Variants in CSMD1 observed in about 807,000 individuals in gnomAD.
CSMD1 encodes CUB and sushi domain-containing protein 1.
In CSMD1, 213 loss-of-function variants were observed where a neutral mutation model predicts 417.5. The observed-to-expected ratio is 0.51, with a 90% CI of 0.46 to 0.57. CSMD1 has a LOEUF of 0.57. CSMD1 is among the 20% of genes least tolerant of loss of function. CSMD1 has a pLI of 0.00. For missense variants in CSMD1, 6,923 were observed against 4,529.7 expected (o/e 1.53, Z -15.17); for synonymous variants, 2,862 against 1,736.8 (o/e 1.65, Z -16.11).
intron 10 of CSMD1, among the ~76,000 whole-genome samples, chr8:3,526,937 T>A (rs542096519): frequency 2.0e-5 from 3 of 152,294 alleles, no homozygotes; most frequent in Admixed American, 2.0e-4. Flanking sequence ...GGGGATAAGA[T>A]CTTTGTCAAT....
At chr8:4,239,500 C>G (rs912950836) in intron 3 of CSMD1, among the ~76,000 whole-genome samples, 7 of 152,170 alleles carry the variant, frequency 4.6e-5, no homozygotes, top group African/African-American at 1.7e-4. Flanking sequence ...TGCCCCACCC[C>G]AGTCTGGTCC....
At chr8:4,509,175 C>G (rs1802691242) in intron 2 of CSMD1, among the ~76,000 whole-genome samples, 1 of 152,110 alleles carries the variant, frequency 6.6e-6, no homozygotes, top group Admixed American at 6.5e-5. Flanking sequence ...TTAATTCTTT[C>G]TTTTTAACAA....
chr8:4,289,419 T>C (rs1215461436), intron 3 of CSMD1, among the ~76,000 whole-genome samples: 1 of 69,860 alleles, frequency 1.4e-5, no homozygotes, highest in Non-Finnish European at 3.5e-5. Flanking sequence ...GGGCCTGTGT[T>C]TCTCCTATTT....
At chr8:3,710,241 G>C (rs1801432197) in intron 6 of CSMD1, among the ~76,000 whole-genome samples, 1 of 152,060 alleles carries the variant, frequency 6.6e-6, no homozygotes, top group African/African-American at 2.4e-5. Flanking sequence ...CTAAAAATAA[G>C]TGGATCCATG....
chr8:4,741,924 C>T (rs1003378503), intron 1 of CSMD1, among the ~76,000 whole-genome samples: 3 of 148,298 alleles, frequency 2.0e-5, no homozygotes, highest in Non-Finnish European at 4.4e-5. Context: ...GCTTCGACTT[C>T]CTGGGCTCAA....
At chr8:3,303,730 A>G (rs983532801) in intron 25 of CSMD1, among the ~76,000 whole-genome samples, 1 of 152,232 alleles carries the variant, frequency 6.6e-6, no homozygotes, top group Non-Finnish European at 1.5e-5. Flanking sequence ...TGTTACATAA[A>G]GCAAAGCATG....
At chr8:4,409,247 C>T (rs7814568) in intron 3 of CSMD1, among the ~76,000 whole-genome samples, 107,429 of 152,068 alleles carry the variant, frequency 0.71, 39,102 homozygotes, top group East Asian at 0.91. Context: ...TTTACCTTAA[C>T]TTACATACTT....
chr8:3,399,583 AT>A (rs566640553), intron 15 of CSMD1, 54 bp from the exon 16 acceptor site: 4 of 1,389,538 alleles, frequency 2.9e-6, no homozygotes, highest in Non-Finnish European at 3.9e-6. Context: ...AGGATATGCC[AT>A]AACAATACCC....
chr8:4,081,688 A>C (rs1681024124), intron 3 of CSMD1, among the ~76,000 whole-genome samples: 2 of 152,358 alleles, frequency 1.3e-5, no homozygotes, highest in Admixed American at 1.3e-4. Flanking sequence ...ATGAAGTCCA[A>C]AACATTTAAA....
At chr8:3,695,597 G>C (rs1392974377) in intron 7 of CSMD1, among the ~76,000 whole-genome samples, 5 of 152,112 alleles carry the variant, frequency 3.3e-5, no homozygotes, top group African/African-American at 2.4e-5. Context: ...GATAGTACTA[G>C]AGGAAAATGT....
At chr8:3,897,117 T>C (rs1807422989) in intron 5 of CSMD1, among the ~76,000 whole-genome samples, 1 of 152,210 alleles carries the variant, frequency 6.6e-6, no homozygotes, top group South Asian at 2.1e-4. Context: ...ATGACAGCAC[T>C]GAAATCACAG....
chr8:4,798,345 C>G (rs1798095470), intron 1 of CSMD1, among the ~76,000 whole-genome samples: 1 of 152,084 alleles, frequency 6.6e-6, no homozygotes, highest in Non-Finnish European at 1.5e-5. Flanking sequence ...ATGAACTCAT[C>G]CTTTTTTATG....
chr8:3,280,332 C>G (rs962475380), intron 26 of CSMD1, among the ~76,000 whole-genome samples: 23 of 152,264 alleles, frequency 1.5e-4, no homozygotes, highest in Non-Finnish European at 1.8e-4. Flanking sequence ...GTAAAAATAA[C>G]AGAGACAAAA....
intron 4 of CSMD1, among the ~76,000 whole-genome samples, chr8:4,023,556 A>G (rs1188952954): frequency 6.6e-6 from 1 of 151,426 alleles, no homozygotes; most frequent in African/African-American, 2.4e-5. Context: ...CGCACTTACC[A>G]AAATATGAAT....
At chr8:3,001,712 C>T (rs1161775912) in intron 52 of CSMD1, among the ~76,000 whole-genome samples, 6 of 152,110 alleles carry the variant, frequency 3.9e-5, no homozygotes, top group Non-Finnish European at 5.9e-5. Flanking sequence ...AGAAACTTTT[C>T]GTAGGAAAAC....
At chr8:3,190,157 A>C in intron 33 of CSMD1, 42 bp from the exon 34 acceptor site, 1 of 1,510,982 alleles carries the variant, frequency 6.6e-7, no homozygotes, top group South Asian at 1.2e-5. Context: ...TATCTCCATC[A>C]GCAAGCCAGG....
chr8:4,530,314 C>CTTTTTTTTTTTTTTTTTTTTTTTTTT lies in CSMD1; in HGVS notation c.302+107002_302+107027dup, dbSNP rs759268228. 6.4e-5 allele frequency among the ~76,000 whole-genome samples: 3 copies of CTTTTTTTTTTTTTTTTTTTTTTTTTT among 46,658 alleles called. 1 individual carries two copies. The highest frequency in any genetic ancestry group is 8.5e-5 in the African/African-American group (1 of 11,726). The allele number at this position is 46,658 out of a possible 152,430, so 30.6% of individuals were successfully genotyped here. On this transcript the variant is annotated intron_variant, in intron 2 of 69. Coordinates refer to ENST00000635120, the MANE Select transcript of CSMD1 (RefSeq NM_033225.6). Reference sequence around the variant, plus strand: ...TTCACAGTTTATCGTACAGGTAGTGCTTTTTTTTTTTTTTTTTTTTTTTTT... The same window carrying CTTTTTTTTTTTTTTTTTTTTTTTTTT: ...TTCACAGTTTATCGTACAGGTAGTGCTTTTTTTTTTTTTTTTTTTTTTTTTTTTTTTTTTTTTTTTTTTTTTTTTTT...
intron 12 of CSMD1, among the ~76,000 whole-genome samples, chr8:3,442,848 C>A (rs889445671): frequency 3.3e-5 from 5 of 151,518 alleles, no homozygotes; most frequent in Middle Eastern, 3.2e-3. Flanking sequence ...TTTGTTATGT[C>A]TGTACCTGGT....
rs918983058 is a variant in CSMD1 at position 4,515,804 on chromosome 8, G to A, written c.303-95739C>T. ...GAGCCAAAGACGGCCTGTGTGCACT[G>A]ATGCCCGGGTTGTTTATTTCTTCAT... is the stretch of plus-strand genomic sequence containing the variant. On this transcript the variant is annotated intron_variant, in intron 2 of 69. Transcript: ENST00000635120. Among the ~76,000 whole-genome samples, 11 of 152,280 alleles carry A rather than the reference G, an allele frequency of 7.2e-5. No individual in the cohort carries two copies. The South Asian group carries it at 1.9e-3, about 26-fold the overall frequency.
Sources: allele counts gnomAD v4.1 joint callset (sites outside exome capture counted in the v4.1 genomes callset), GRCh38; gene constraint gnomAD v4.1.1; transcripts MANE v1.5; gene names NCBI Gene and HGNC (gene_info 2026-07-23, HGNC 2026-07-21).